The following TBC1D32 variants were observed in gnomAD, a reference collection of about 807,000 sequenced individuals.
The protein encoded by TBC1D32 is protein broad-minded.
A neutral mutation model predicts 170.3 loss-of-function variants in TBC1D32; 151 were observed. The observed-to-expected ratio is 0.89, with a 90% CI of 0.78 to 1.01. The LOEUF (loss-of-function observed/expected upper bound fraction) is 1.01, where lower values mean the gene tolerates loss of function less well. Ranked by LOEUF, TBC1D32 falls within the 50% of genes least tolerant of loss-of-function variation. TBC1D32 has a pLI of 0.00. For synonymous variants in TBC1D32, 498 were observed against 488.0 expected (o/e 1.02, Z -0.27); for missense variants, 1,464 against 1,457.1 (o/e 1.00, Z -0.08).
chr6:121,327,883 G>A lies in TBC1D32; in HGVS notation c.156-6089C>T, dbSNP rs981364976. Among the ~76,000 whole-genome samples the A allele has an allele frequency of 2.0e-5, 3 of 152,022 alleles. No homozygotes were observed. In the East Asian group the frequency reaches 5.8e-4, roughly 29 times the overall value. On this transcript the variant is annotated intron_variant, in intron 1 of 31. Coordinates refer to ENST00000398212, the MANE Select transcript of TBC1D32 (RefSeq NM_152730.6). ...AATGCTAGTCTGGCCTTTCAATAGCGTCTCTCCCGAAGAATTACAAAATTC... is the reference window on the plus strand; with the variant it reads ...AATGCTAGTCTGGCCTTTCAATAGCATCTCTCCCGAAGAATTACAAAATTC...
intron 21 of TBC1D32, 61 bp from the exon 22 acceptor site, chr6:121,205,224 C>A (rs1792091856): frequency 1.2e-6 from 1 of 813,860 alleles, no homozygotes; most frequent in Admixed American, 3.0e-5. Context: ...AAAATTAAGT[C>A]AACAACAATT....
intron 15 of TBC1D32, among the ~76,000 whole-genome samples, chr6:121,256,762 T>C (rs574071090): frequency 6.6e-6 from 1 of 151,858 alleles, no homozygotes; most frequent in South Asian, 2.1e-4. Flanking sequence ...CTCTGCCTGC[T>C]GGGTTCAAGC....
At chr6:121,265,614 G>C (rs36147414) in intron 15 of TBC1D32, among the ~76,000 whole-genome samples, 1 of 151,086 alleles carries the variant, frequency 6.6e-6, no homozygotes, top group Non-Finnish European at 1.5e-5. Flanking sequence ...AGCCCATATA[G>C]CCAAGTCAAT....
chr6:121,254,927 T>G (rs963317531), intron 17 of TBC1D32, among the ~76,000 whole-genome samples: 1 of 152,064 alleles, frequency 6.6e-6, no homozygotes, highest in Non-Finnish European at 1.5e-5. Flanking sequence ...AAAACCTAAC[T>G]GAAATGTACT....
At chr6:121,110,766 A>AT (rs1291665616) in intron 29 of TBC1D32, among the ~76,000 whole-genome samples, 3 of 152,202 alleles carry the variant, frequency 2.0e-5, no homozygotes, top group African/African-American at 7.2e-5. Context: ...AATTCAAAAG[A>AT]TTGTTAGTCA....
At chr6:121,110,525 C>T (rs532858094) in intron 29 of TBC1D32, among the ~76,000 whole-genome samples, 1 of 151,924 alleles carries the variant, frequency 6.6e-6, no homozygotes, top group Admixed American at 6.6e-5. Context: ...AGGTTGATTA[C>T]AATAATGTGA....
At chr6:121,239,875 C>T (rs1282860778) in intron 19 of TBC1D32, among the ~76,000 whole-genome samples, 1 of 151,940 alleles carries the variant, frequency 6.6e-6, no homozygotes, top group Non-Finnish European at 1.5e-5. Context: ...AAGTTCATAA[C>T]AACAATATTC....
chr6:121,321,198 A>G (rs146082621), intron 2 of TBC1D32, among the ~76,000 whole-genome samples: 2,684 of 152,308 alleles, frequency 0.018, 28 homozygotes, highest in South Asian at 0.042. Flanking sequence ...TGTTTATATC[A>G]ATTAACCTAG....
chr6:121,122,197 G>A (rs551822040), intron 26 of TBC1D32, among the ~76,000 whole-genome samples: 1 of 151,898 alleles, frequency 6.6e-6, no homozygotes, highest in African/African-American at 2.4e-5. Flanking sequence ...AATATATCCA[G>A]AATCCAAAAA....
At chr6:121,087,837 T>A (rs938740447) in intron 31 of TBC1D32, among the ~76,000 whole-genome samples, 1 of 152,206 alleles carries the variant, frequency 6.6e-6, no homozygotes, top group South Asian at 2.1e-4. Context: ...TTTTACTTTA[T>A]CTTCATTCTT....
Position 121,287,627 on chromosome 6 carries a change from T to C in TBC1D32, c.1373-3717A>G, listed in dbSNP as rs573866065. Among the ~76,000 whole-genome samples, 4 of 152,246 alleles carry C rather than the reference T, an allele frequency of 2.6e-5. No homozygotes were observed. In the East Asian group the frequency reaches 5.8e-4, roughly 22 times the overall value. On this transcript the variant is annotated intron_variant, in intron 12 of 31. Transcript: ENST00000398212. ...AAAGTTAACAAGGATATCCAGGAAT[T>C]GAACTCAGCTCTGCACCAAGCAGAC...
At chr6:121,299,619 C>A (rs1044012297) in intron 9 of TBC1D32, 114 bp from the exon 10 acceptor site, 7 of 1,026,264 alleles carry the variant, frequency 6.8e-6, no homozygotes, top group Middle Eastern at 4.5e-4. Flanking sequence ...TAGGTTTAAA[C>A]CCTTATAGTC....
In TBC1D32 at chr6:121,307,993, G is replaced by A; in HGVS notation, c.673C>T (p.Pro225Ser). 1 of 1,613,440 alleles carries A rather than the reference G, an allele frequency of 6.2e-7. No individual in the cohort carries two copies. Among genetic ancestry groups the A allele is most frequent in the Non-Finnish European group, 8.5e-7 (1 of 1,179,748 alleles). ...TTTCTTACACTAAACACAGGATCAG[G>A]ATCTGAAAGAGACACGGTCAGTTTT... Reference protein sequence around the residue: ...CEKLTVSLSDPDPVFSDRILK... With the variant: ...CEKLTVSLSDSDPVFSDRILK... The change falls in exon 5 of 32, where the codon CCT becomes TCT. Residue 225 changes from proline to serine, a missense_variant. Transcript: ENST00000398212.
chr6:121,208,793 C>T (rs1792666706), intron 21 of TBC1D32, among the ~76,000 whole-genome samples: 2 of 145,272 alleles, frequency 1.4e-5, no homozygotes, highest in Admixed American at 1.4e-4. Flanking sequence ...TGGGAGGAAG[C>T]ATGGCCCTGC....
At chr6:121,326,184 A>G (rs1810436915) in intron 1 of TBC1D32, among the ~76,000 whole-genome samples, 1 of 152,184 alleles carries the variant, frequency 6.6e-6, no homozygotes, top group Admixed American at 6.5e-5. Context: ...AACAAAATGT[A>G]GTCAATAAAG....
intron 20 of TBC1D32, among the ~76,000 whole-genome samples, chr6:121,235,864 C>T (rs539290659): frequency 6.6e-6 from 1 of 152,360 alleles, no homozygotes; most frequent in South Asian, 2.1e-4. Context: ...GCAGGAGCTG[C>T]AAGCTAGTCC....
At position 121,115,203 on chromosome 6, in the gene TBC1D32, C is replaced by A; in HGVS notation, c.3022G>T (p.Val1008Leu). The change falls in exon 27 of 32, where the codon GTG (valine) becomes TTG (leucine). Residue 1008 changes from valine (V) to leucine (L), a missense_variant. By Grantham distance (32) the Val-to-Leu change is conservative (BLOSUM62 1). Around this residue, in one of 3 missense-constraint regions of TBC1D32, gnomAD observed 1,363 missense variants for 1,338.1 expected, o/e 1.02. Coordinates refer to ENST00000398212, the MANE Select transcript of TBC1D32 (RefSeq NM_152730.6). ...GTCATTTTAATGCCAAGCTGCTGCA[C>A]AGATGAAAGACTTTCATTCTTCACA... ...ANVKNESLSS[V>L]QQLGIKMTVR... The A allele has an allele frequency of 6.2e-7, 1 of 1,602,368 alleles. No homozygotes were observed.
At chr6:121,180,246 T>C (rs1440055211) in intron 22 of TBC1D32, among the ~76,000 whole-genome samples, 1 of 152,086 alleles carries the variant, frequency 6.6e-6, no homozygotes, top group Non-Finnish European at 1.5e-5. Flanking sequence ...CTGGAATTTA[T>C]ATGGAAAGAA....
At chr6:121,229,223 C>A (rs1795432612) in intron 20 of TBC1D32, among the ~76,000 whole-genome samples, 1 of 152,124 alleles carries the variant, frequency 6.6e-6, no homozygotes, top group Non-Finnish European at 1.5e-5. Context: ...TTACAATAAT[C>A]ATTTTCAAAG....
Sources: allele counts gnomAD v4.1 joint callset (sites outside exome capture counted in the v4.1 genomes callset), GRCh38; gene constraint gnomAD v4.1.1; regional missense constraint gnomAD v4.1.1; transcripts MANE v1.5; gene names NCBI Gene and HGNC (gene_info 2026-07-23, HGNC 2026-07-21).